Variants in RIMS2 observed in about 807,000 individuals in gnomAD.
RIMS2 encodes regulating synaptic membrane exocytosis 2.
In RIMS2, 59 loss-of-function variants were observed where a neutral mutation model predicts 174.4. The ratio of observed to expected loss-of-function variants is 0.34; its 90% confidence interval spans 0.27 to 0.42. The LOEUF is 0.42. Ranked by LOEUF, RIMS2 falls within the 10% of genes least tolerant of loss-of-function variation. The pLI is 1.00. For synonymous variants in RIMS2, 606 were observed against 572.5 expected (o/e 1.06, Z -0.84); for missense variants, 1,620 against 1,666.3 (o/e 0.97, Z 0.48).
At chr8:104,005,578 T>C (rs960157704) in intron 17 of RIMS2, among the ~76,000 whole-genome samples, 39 of 152,272 alleles carry the variant, frequency 2.6e-4, no homozygotes, top group African/African-American at 7.7e-4. Context: ...GAAGAGAGTA[T>C]AGTAAATGAA....
At chr8:103,609,884 T>C (rs1453636637) in intron 1 of RIMS2, among the ~76,000 whole-genome samples, 1 of 152,242 alleles carries the variant, frequency 6.6e-6, no homozygotes, top group Non-Finnish European at 1.5e-5. Flanking sequence ...ATTGGTAGTT[T>C]GATAAGAATA....
At chr8:103,521,710 C>A (rs1233241165) in intron 1 of RIMS2, among the ~76,000 whole-genome samples, 1 of 151,984 alleles carries the variant, frequency 6.6e-6, no homozygotes, top group African/African-American at 2.4e-5. Flanking sequence ...GGACATAACC[C>A]TATTTCCTGG....
chr8:103,790,421 G>A (rs1192083357), intron 3 of RIMS2, among the ~76,000 whole-genome samples: 1 of 152,110 alleles, frequency 6.6e-6, no homozygotes. Flanking sequence ...TGATTATATA[G>A]CATGAATCAA....
chr8:103,836,178 C>T (rs1290938529), intron 3 of RIMS2, among the ~76,000 whole-genome samples: 4 of 152,104 alleles, frequency 2.6e-5, no homozygotes, highest in African/African-American at 4.8e-5. Context: ...TTCTTCAACT[C>T]GTGTCCGTCA....
chr8:104,063,524 A>T (rs1486645639), intron 19 of RIMS2, among the ~76,000 whole-genome samples: 5 of 152,182 alleles, frequency 3.3e-5, no homozygotes, highest in African/African-American at 1.2e-4. Flanking sequence ...GGGGTAAGGA[A>T]TAGAGGGAAT....
intron 11 of RIMS2, among the ~76,000 whole-genome samples, chr8:103,930,022 G>A (rs1479349820): frequency 6.6e-6 from 1 of 151,920 alleles, no homozygotes; most frequent in Non-Finnish European, 1.5e-5. Context: ...TAATAAATAA[G>A]TGAGATAATA....
chr8:103,851,523 A>G (rs1393344078), intron 3 of RIMS2, among the ~76,000 whole-genome samples: 2 of 151,852 alleles, frequency 1.3e-5, no homozygotes, highest in Non-Finnish European at 2.9e-5. Context: ...AGAGTAGAGT[A>G]TATTTTCTTC....
chr8:103,953,825 A>G (rs2086223600), intron 14 of RIMS2, among the ~76,000 whole-genome samples: 1 of 152,156 alleles, frequency 6.6e-6, no homozygotes, highest in Non-Finnish European at 1.5e-5. Flanking sequence ...ATAAAGAGTC[A>G]AGACCCATCA....
chr8:103,897,540 G>A (rs2099293581), intron 4 of RIMS2, among the ~76,000 whole-genome samples: 1 of 151,688 alleles, frequency 6.6e-6, no homozygotes, highest in Non-Finnish European at 1.5e-5. Context: ...GCTCAAATAT[G>A]GATCACTACA....
At chr8:103,913,696 T>C (rs762327472) in intron 6 of RIMS2, among the ~76,000 whole-genome samples, 15 of 152,014 alleles carry the variant, frequency 9.9e-5, no homozygotes, top group Non-Finnish European at 2.2e-4. Flanking sequence ...CTTACAATTA[T>C]GGTCAAAGGT....
chr8:104,156,208 C>G (rs1045638864), intron 19 of RIMS2, among the ~76,000 whole-genome samples: 1 of 152,174 alleles, frequency 6.6e-6, no homozygotes, highest in African/African-American at 2.4e-5. Context: ...GTGGCCTTTT[C>G]TGTAGTCATC....
intron 1 of RIMS2, among the ~76,000 whole-genome samples, chr8:103,587,366 A>G (rs2093982994): frequency 2.6e-5 from 4 of 151,656 alleles, no homozygotes; most frequent in Middle Eastern, 3.4e-3. Flanking sequence ...CAAGTCCAGT[A>G]TTACCCTGAT....
At chr8:104,202,144 CAA>C (rs1310368847) in intron 19 of RIMS2, among the ~76,000 whole-genome samples, 1 of 151,970 alleles carries the variant, frequency 6.6e-6, no homozygotes, top group Non-Finnish European at 1.5e-5. Flanking sequence ...AATGCAATAA[CAA>C]GTGTGGTTTT....
At chr8:104,179,251 G>C (rs533389488) in intron 19 of RIMS2, among the ~76,000 whole-genome samples, 17 of 152,034 alleles carry the variant, frequency 1.1e-4, no homozygotes, top group Admixed American at 3.3e-4. Context: ...TTCTTATTTC[G>C]AGGACAGCAA....
At chr8:103,768,306 C>A (rs2098203653) in intron 3 of RIMS2, 1 of 631,772 alleles carries the variant, frequency 1.6e-6, no homozygotes, top group Non-Finnish European at 2.9e-6. Context: ...TCTTTCCCAG[C>A]CACTGGCTGC....
chr8:103,894,302 A>G (rs2099264820), intron 4 of RIMS2, among the ~76,000 whole-genome samples: 1 of 151,720 alleles, frequency 6.6e-6, no homozygotes, highest in Non-Finnish European at 1.5e-5. Context: ...AGAATTTTGC[A>G]GTAGAAATAT....
At chr8:104,051,712 TTTGATCA>T (rs528102558) in intron 19 of RIMS2, among the ~76,000 whole-genome samples, 1 of 152,162 alleles carries the variant, frequency 6.6e-6, no homozygotes, top group Non-Finnish European at 1.5e-5. Flanking sequence ...TGACAATATT[TTTGATCA>T]TAAGTTCTGG....
chr8:104,115,335 T>C (rs1026371051), intron 19 of RIMS2, among the ~76,000 whole-genome samples: 2 of 152,128 alleles, frequency 1.3e-5, no homozygotes, highest in Non-Finnish European at 2.9e-5. Context: ...AGTATTTGCA[T>C]ACTTATAATG....
At chr8:103,554,826 C>G (rs1327047524) in intron 1 of RIMS2, among the ~76,000 whole-genome samples, 1 of 152,124 alleles carries the variant, frequency 6.6e-6, no homozygotes, top group Non-Finnish European at 1.5e-5. Flanking sequence ...AAATGTGATA[C>G]AGACATAACA....
Sources: gnomAD v4.1 joint callset for allele counts (sites outside exome capture counted in the v4.1 genomes callset) on GRCh38, gnomAD v4.1.1 for gene constraint, MANE v1.5 for transcripts, NCBI Gene and HGNC (gene_info 2026-07-23, HGNC 2026-07-21) for gene names.